ENOX1: variants seen among roughly 807,000 people sequenced by gnomAD.
ENOX1 encodes ecto-NOX disulfide-thiol exchanger 1, also known as candidate growth-related and time keeping constitutive hydroquinone (NADH) oxidase.
In ENOX1, 42 loss-of-function variants were observed where a neutral mutation model predicts 82.5. The observed-to-expected ratio is 0.51, with a 90% confidence interval of 0.40 to 0.66. The LOEUF (loss-of-function observed/expected upper bound fraction) is 0.66. ENOX1 is among the 30% of genes least tolerant of loss of function. The pLI, the probability that ENOX1 is intolerant of heterozygous loss-of-function variation, is 0.00. For missense variants in ENOX1, 608 were observed against 811.6 expected (o/e 0.75, Z 3.05); for synonymous variants, 271 against 282.2 (o/e 0.96, Z 0.40).
chr13:43,603,151 C>T (rs1887946), intron 2 of ENOX1, among the ~76,000 whole-genome samples: 150,465 of 152,048 alleles, frequency 0.99, 74,462 homozygotes, highest in Middle Eastern at 1. Context: ...CAGAAAGTAA[C>T]AAGTTATAAG....
At chr13:43,472,433 T>C (rs1268608314) in intron 3 of ENOX1, among the ~76,000 whole-genome samples, 1 of 152,190 alleles carries the variant, frequency 6.6e-6, no homozygotes, top group Non-Finnish European at 1.5e-5. Flanking sequence ...AAAGGAAATA[T>C]TATATTTAAA....
intron 2 of ENOX1, among the ~76,000 whole-genome samples, chr13:43,531,836 A>G (rs948404981): frequency 1.3e-5 from 2 of 150,098 alleles, no homozygotes; most frequent in Non-Finnish European, 3.0e-5. Flanking sequence ...AAAAAACCCA[A>G]CACCGCATGT....
intron 11 of ENOX1, among the ~76,000 whole-genome samples, chr13:43,317,878 G>A (rs764196614): frequency 9.2e-5 from 14 of 151,968 alleles, no homozygotes; most frequent in Non-Finnish European, 2.1e-4. Context: ...GGTGGCGGGT[G>A]CCTGTAGTCC....
At chr13:43,326,290 T>C in intron 10 of ENOX1, 129 bp downstream of exon 10, 1 of 742,640 alleles carries the variant, frequency 1.3e-6, no homozygotes, top group Non-Finnish European at 2.3e-6. Context: ...CATTTGGAGC[T>C]GACAGTGAGA....
intron 3 of ENOX1, among the ~76,000 whole-genome samples, chr13:43,430,928 G>A (rs574914197): frequency 6.6e-6 from 1 of 152,290 alleles, no homozygotes; most frequent in South Asian, 2.1e-4. Flanking sequence ...TTTGCATTGT[G>A]TGGAGAAGTT....
chr13:43,362,156 T>TAC (rs10531058), intron 5 of ENOX1, among the ~76,000 whole-genome samples: 33,537 of 145,484 alleles, frequency 0.23, 3,873 homozygotes, highest in East Asian at 0.39. Context: ...TGCCCTGTAT[T>TAC]ACACACACAC....
intron 2 of ENOX1, among the ~76,000 whole-genome samples, chr13:43,485,765 A>C (rs2076390587): frequency 6.6e-6 from 1 of 152,228 alleles, no homozygotes; most frequent in Non-Finnish European, 1.5e-5. Flanking sequence ...CATTCTGTTT[A>C]CTTCATACCA....
Position 43,476,039 on chromosome 13 carries a change from G to A in ENOX1, c.-75+7970C>T, listed in dbSNP as rs530782195. ...TAGACCTCAGTTTTCAATTACAGGA[G>A]GTCTAAGCATTGAAGTGTTAGAGTG... On this transcript the variant is annotated intron_variant, in intron 3 of 16. Transcript: ENST00000690772. 2.4e-4 allele frequency among the ~76,000 whole-genome samples: 36 copies of A among 152,072 alleles called. No homozygotes were observed. The South Asian group carries it at 5.4e-3, about 23-fold the overall frequency.
At chr13:43,324,515 C>T (rs1029813184) in intron 10 of ENOX1, among the ~76,000 whole-genome samples, 3 of 152,114 alleles carry the variant, frequency 2.0e-5, no homozygotes, top group African/African-American at 7.2e-5. Flanking sequence ...AGCTTATACG[C>T]AACTGAGAAA....
intron 1 of ENOX1, among the ~76,000 whole-genome samples, chr13:43,763,611 T>C (rs984530016): frequency 2.0e-5 from 3 of 152,138 alleles, no homozygotes; most frequent in Non-Finnish European, 2.9e-5. Flanking sequence ...CCAACCTCAG[T>C]TCAACCCTCA....
intron 11 of ENOX1, among the ~76,000 whole-genome samples, chr13:43,317,487 G>C (rs1274124968): frequency 2.6e-5 from 4 of 151,938 alleles, no homozygotes; most frequent in South Asian, 2.1e-4. Flanking sequence ...AGAAAAAATA[G>C]GTTGTCCTGC....
chr13:43,260,242 C>T (rs2153475723), intron 14 of ENOX1, among the ~76,000 whole-genome samples: 1 of 152,332 alleles, frequency 6.6e-6, no homozygotes, highest in Middle Eastern at 3.4e-3. Flanking sequence ...GATTTACTTT[C>T]TTAAGGAGGT....
intron 2 of ENOX1, among the ~76,000 whole-genome samples, chr13:43,551,513 T>C (rs1191435161): frequency 6.6e-6 from 1 of 152,224 alleles, no homozygotes. Flanking sequence ...ATTTTTTATC[T>C]TTTAAGATAA....
At chr13:43,641,244 G>C (rs2083635012) in intron 2 of ENOX1, among the ~76,000 whole-genome samples, 1 of 152,040 alleles carries the variant, frequency 6.6e-6, no homozygotes, top group Non-Finnish European at 1.5e-5. Flanking sequence ...TCCAAACCTG[G>C]CTTTAGGACC....
At chr13:43,724,730 A>G (rs2088817548) in intron 1 of ENOX1, among the ~76,000 whole-genome samples, 1 of 152,206 alleles carries the variant, frequency 6.6e-6, no homozygotes. Flanking sequence ...TTCCTAATCC[A>G]TAGTTATCTA....
In ENOX1 at chr13:43,444,770, G is replaced by A. The variant is rs186174740; in HGVS notation, c.-74-31782C>T. Reference sequence around the variant, plus strand: ...CTTTGAGTTCTACATACAGAGTCAAGTTGTAGGAGGGATGTATTCAGGAGG... The same window carrying A: ...CTTTGAGTTCTACATACAGAGTCAAATTGTAGGAGGGATGTATTCAGGAGG... On this transcript the variant is annotated intron_variant, in intron 3 of 16. Coordinates refer to ENST00000690772, the MANE Select transcript of ENOX1 (RefSeq NM_001347969.2). Among the ~76,000 whole-genome samples, 413 of 152,310 alleles carry A rather than the reference G, an allele frequency of 2.7e-3. 1 individual carries two copies. The highest frequency in any genetic ancestry group is 0.02 in the South Asian group (98 of 4,822).
chr13:43,563,993 A>G (rs1289722511), intron 2 of ENOX1, among the ~76,000 whole-genome samples: 2 of 152,134 alleles, frequency 1.3e-5, no homozygotes, highest in African/African-American at 4.8e-5. Flanking sequence ...TGAGGAAGGA[A>G]TACTTCCAAA....
At chr13:43,616,929 C>CAT (rs2082505888) in intron 2 of ENOX1, among the ~76,000 whole-genome samples, 1 of 151,860 alleles carries the variant, frequency 6.6e-6, no homozygotes, top group African/African-American at 2.4e-5. Flanking sequence ...CAAGTAAACA[C>CAT]ACACACACAC....
At chr13:43,272,393 G>T (rs2153483765) in intron 12 of ENOX1, among the ~76,000 whole-genome samples, 1 of 152,248 alleles carries the variant, frequency 6.6e-6, no homozygotes, top group South Asian at 2.1e-4. Context: ...GAGTGAATTT[G>T]GCAAAGCTGC....
Sources: gnomAD v4.1 joint callset for allele counts (sites outside exome capture counted in the v4.1 genomes callset) on GRCh38, gnomAD v4.1.1 for gene constraint, MANE v1.5 for transcripts, NCBI Gene and HGNC (gene_info 2026-07-23, HGNC 2026-07-21) for gene names.